RPS6KA2: variants seen among roughly 807,000 people sequenced by gnomAD.
The protein encoded by RPS6KA2 is ribosomal protein S6 kinase A2.
In RPS6KA2, 42 loss-of-function variants were observed where a neutral mutation model predicts 91.8. That is an observed-to-expected ratio of 0.46 (90% CI 0.36 to 0.59). The LOEUF (loss-of-function observed/expected upper bound fraction) is 0.59, where lower values mean the gene tolerates loss of function less well. RPS6KA2 is among the 20% of genes least tolerant of loss of function. The probability of loss-of-function intolerance (pLI) is 0.00; values close to 1 mark genes in which losing one functional copy is unlikely to be tolerated. For synonymous variants in RPS6KA2, 414 were observed against 393.6 expected, an observed-to-expected ratio of 1.05 and a Z score of -0.61; for missense variants, 798 against 978.5, an observed-to-expected ratio of 0.82 and a Z score of 2.46.
intron 2 of RPS6KA2, among the ~76,000 whole-genome samples, chr6:166,836,427 A>G (rs9348188): frequency 0.54 from 82,208 of 152,016 alleles, 24,003 homozygotes; most frequent in Middle Eastern, 0.73. Context: ...TAAATATAAG[A>G]CTATACAGTG....
chr6:166,530,100 A>G (rs1288848170), intron 3 of RPS6KA2, among the ~76,000 whole-genome samples: 3 of 152,202 alleles, frequency 2.0e-5, no homozygotes, highest in Admixed American at 1.3e-4. Flanking sequence ...AAGTGACCTG[A>G]AGGCAGAGAA....
chr6:166,687,552 T>G (rs75012178), intron 2 of RPS6KA2, among the ~76,000 whole-genome samples: 2 of 152,140 alleles, frequency 1.3e-5, no homozygotes, highest in East Asian at 3.8e-4. Context: ...AATTGTTGAC[T>G]GAAGAATTCA....
chr6:166,744,614 GC>G (rs1317589286), intron 2 of RPS6KA2, among the ~76,000 whole-genome samples: 1 of 152,224 alleles, frequency 6.6e-6, no homozygotes, highest in East Asian at 1.9e-4. Flanking sequence ...CACCCTGTGG[GC>G]CAGGCCCAGA....
At chr6:166,430,315 CAA>C (rs1779077781) in intron 16 of RPS6KA2, 136 bp downstream of exon 16, 4 of 831,522 alleles carry the variant, frequency 4.8e-6, no homozygotes, top group Admixed American at 4.9e-5. Flanking sequence ...CCTCCAGACA[CAA>C]GAGAGACGAT....
chr6:166,571,713 G>A (rs944896637), intron 1 of RPS6KA2, among the ~76,000 whole-genome samples: 1 of 150,770 alleles, frequency 6.6e-6, no homozygotes, highest in Non-Finnish European at 1.5e-5. Flanking sequence ...TAATTAAAAT[G>A]TTGAGAATAA....
At position 166,641,189 on chromosome 6, in the gene RPS6KA2, A is replaced by G. The variant is rs144372113; in HGVS notation, c.124-102405T>C. On this transcript the variant is annotated intron_variant, in intron 2 of 21. Transcript: ENST00000503859. ...GCTCGCAAACATAAATCACTAAATA[A>G]TCACAGATACAAACTGTGGGCAAGA... 4.2e-3 allele frequency among the ~76,000 whole-genome samples: 642 copies of G among 152,316 alleles called. 3 individuals are homozygous for G. The highest frequency in any genetic ancestry group is 0.012 in the South Asian group (56 of 4,828).
rs186972528 is a variant in RPS6KA2, at chr6:166,769,530, T to C, written c.123+88670A>G. Among the ~76,000 whole-genome samples, 53 of 152,334 alleles carry C rather than the reference T, an allele frequency of 3.5e-4. No individual in the cohort carries two copies. The East Asian group carries it at 0.01, about 29-fold the overall frequency. On this transcript the variant is annotated intron_variant, in intron 2 of 21. Coordinates refer to the RPS6KA2 transcript ENST00000503859. ...CTTAACTGAAATAGTCAGAACCAGC[T>C]TGAGATTCTGTGTGCCCACCCCTCA... is the stretch of plus-strand genomic sequence containing the variant.
At chr6:166,465,863 G>T (rs1780502139) in intron 11 of RPS6KA2, among the ~76,000 whole-genome samples, 1 of 152,214 alleles carries the variant, frequency 6.6e-6, no homozygotes, top group African/African-American at 2.4e-5. Flanking sequence ...CCACCAGGGT[G>T]AGCACCAAGC....
At chr6:166,538,617 G>C (rs372556501) in intron 2 of RPS6KA2, 51 bp downstream of exon 2, 1 of 1,040,418 alleles carries the variant, frequency 9.6e-7, no homozygotes, top group African/African-American at 1.6e-5. Flanking sequence ...CTGTCCAGGT[G>C]TCCTTTGTGT....
intron 2 of RPS6KA2, among the ~76,000 whole-genome samples, chr6:166,637,230 C>T (rs771385750): frequency 2.6e-5 from 4 of 152,218 alleles, no homozygotes; most frequent in Non-Finnish European, 2.9e-5. Flanking sequence ...TGACCCTGTC[C>T]GCGCAAGGCT....
chr6:166,668,860 G>A (rs1387734883), intron 2 of RPS6KA2, among the ~76,000 whole-genome samples: 9 of 36,772 alleles, frequency 2.4e-4, no homozygotes, highest in African/African-American at 1.0e-3. Flanking sequence ...CCTCCCTCCC[G>A]CCTTTCTTTC....
At chr6:166,845,101 G>A (rs1780574163) in intron 2 of RPS6KA2, among the ~76,000 whole-genome samples, 1 of 152,152 alleles carries the variant, frequency 6.6e-6, no homozygotes, top group Non-Finnish European at 1.5e-5. Flanking sequence ...AGCAACAGCA[G>A]TTAAAAAGAC....
chr6:166,675,357 C>T (rs906883686), intron 2 of RPS6KA2, among the ~76,000 whole-genome samples: 2 of 152,222 alleles, frequency 1.3e-5, no homozygotes, highest in South Asian at 4.1e-4. Context: ...TCCCTCTCCC[C>T]CAGCCCAACC....
rs1025029373 is a variant in RPS6KA2, at chr6:166,508,929, C to T, written c.380-647G>A. Among the ~76,000 whole-genome samples, 1 of 152,178 alleles carries T rather than the reference C, an allele frequency of 6.6e-6. No individual in the cohort carries two copies. Among genetic ancestry groups the T allele is most frequent in the African/African-American group, 2.4e-5 (1 of 41,446 alleles). On this transcript the variant is annotated intron_variant, in intron 4 of 20. Coordinates refer to ENST00000265678, the MANE Select transcript of RPS6KA2 (RefSeq NM_021135.6). The surrounding 1 kb of genome is among the most constrained non-coding windows in gnomAD (Gnocchi z 4.3). Reference sequence around the variant, plus strand: ...AGGGCCTGCCTCTGTTGAGCGGGCGCATGAGCACGGGAGGGTCTAGAGAAG... The same window carrying T: ...AGGGCCTGCCTCTGTTGAGCGGGCGTATGAGCACGGGAGGGTCTAGAGAAG...
chr6:166,411,996 G>A lies in RPS6KA2; in HGVS notation c.*766C>T, dbSNP rs1239548730. The A allele has an allele frequency of 2.0e-5, 3 of 152,312 alleles. No homozygotes were observed. Among genetic ancestry groups the A allele is most frequent in the Non-Finnish European group, 4.4e-5 (3 of 68,144 alleles). 9.4% of individuals were successfully genotyped at this position (152,312 alleles called of 1,614,324 possible). ...GGACAGACGGCAGCCCAGTGCGCTT[G>A]GCCCCCCGGGGAAAGCCGAGACTGG... is the stretch of plus-strand genomic sequence containing the variant. On this transcript the variant is annotated 3_prime_UTR_variant, in exon 21 of 21. Coordinates refer to ENST00000265678, the MANE Select transcript of RPS6KA2 (RefSeq NM_021135.6). This position sits in a 1 kb window ranked among gnomAD's most constrained non-coding sequence, Gnocchi z 4.5.
chr6:166,561,396 G>A (rs1429267617), intron 1 of RPS6KA2, among the ~76,000 whole-genome samples: 4 of 151,786 alleles, frequency 2.6e-5, no homozygotes, highest in Non-Finnish European at 5.9e-5. Context: ...CCCTTCCCAG[G>A]CCTGCTCGTT....
intron 2 of RPS6KA2, among the ~76,000 whole-genome samples, chr6:166,833,069 C>T (rs1330125279): frequency 6.6e-6 from 1 of 152,200 alleles, no homozygotes; most frequent in East Asian, 1.9e-4. Flanking sequence ...TGAGTGCTTA[C>T]TGTGTGCCCA....
intron 3 of RPS6KA2, among the ~76,000 whole-genome samples, chr6:166,515,176 A>G (rs1782605925): frequency 6.6e-6 from 1 of 152,188 alleles, no homozygotes. Flanking sequence ...GAGGAGACAG[A>G]CAGAGAAATC....
In RPS6KA2 at chr6:166,732,241, C is replaced by G. The variant is rs1790548322; in HGVS notation, c.123+125959G>C. ...CATCTGTTAAAGTCTTCCCGCACTTCTGTATAGCTTCATGATTCCCCCAAA... is the reference window on the plus strand; with the variant it reads ...CATCTGTTAAAGTCTTCCCGCACTTGTGTATAGCTTCATGATTCCCCCAAA... On this transcript the variant is annotated intron_variant, in intron 2 of 21. Coordinates refer to the RPS6KA2 transcript ENST00000503859. The surrounding 1 kb of genome is among the most constrained non-coding windows in gnomAD (Gnocchi z 4.0). Among the ~76,000 whole-genome samples, 1 of 152,204 alleles carries G rather than the reference C, an allele frequency of 6.6e-6. No homozygotes were observed. Among genetic ancestry groups the G allele is most frequent in the Admixed American group, 6.5e-5 (1 of 15,290 alleles).
Sources: gnomAD v4.1 joint callset for allele counts (sites outside exome capture counted in the v4.1 genomes callset) on GRCh38, gnomAD v4.1.1 for gene constraint, Gnocchi (gnomAD v3.1) non-coding constraint, MANE v1.5 for transcripts, NCBI Gene and HGNC (gene_info 2026-07-23, HGNC 2026-07-21) for gene names.